The following GRID1 variants were observed in gnomAD, a reference collection of about 807,000 sequenced individuals.
The protein encoded by GRID1 is glutamate receptor ionotropic, delta-1.
Under a neutral mutation model 98.0 loss-of-function variants are expected in GRID1, and 28 were observed. The ratio of observed to expected loss-of-function variants is 0.29; its 90% CI spans 0.21 to 0.39. The LOEUF (loss-of-function observed/expected upper bound fraction) is 0.39, where lower values mean the gene tolerates loss of function less well. Among genes scored for constraint, GRID1 ranks in the 10% least tolerant of loss-of-function variants. The probability of loss-of-function intolerance (pLI) is 1.00; values close to 1 mark genes in which losing one functional copy is unlikely to be tolerated. For synonymous variants in GRID1, 553 were observed against 538.5 expected, an observed-to-expected ratio of 1.03 and a Z score of -0.37; for missense variants, 1,111 against 1,340.5, an observed-to-expected ratio of 0.83 and a Z score of 2.67.
intron 12 of GRID1, among the ~76,000 whole-genome samples, chr10:85,687,622 T>C (rs1304868873): frequency 6.6e-6 from 1 of 151,520 alleles, no homozygotes; most frequent in African/African-American, 2.4e-5. Context: ...AGAGCAAGAC[T>C]CTGTCTCAAA....
intron 7 of GRID1, 42 bp downstream of exon 7, chr10:85,855,987 G>C: frequency 4.4e-6 from 7 of 1,588,710 alleles, no homozygotes; most frequent in Non-Finnish European, 6.0e-6. Context: ...TATAAGAAGG[G>C]GCCTGTCTTT....
Position 86,187,291 on chromosome 10 carries a change from A to T in GRID1, c.520+19073T>A, listed in dbSNP as rs139691633. 6.4e-3 allele frequency among the ~76,000 whole-genome samples: 979 copies of T among 152,232 alleles called. 24 individuals are homozygous for T. In the East Asian group the frequency reaches 0.079, roughly 12 times the overall value. ...AGCACTTTCTATGAGACAGGCACTG[A>T]GTGTTATTCTGGTGCCAGCTCTCTA... On this transcript the variant is annotated intron_variant, in intron 3 of 15. Transcript: ENST00000327946.
intron 2 of GRID1, among the ~76,000 whole-genome samples, chr10:86,233,863 C>T (rs1846495110): frequency 6.6e-6 from 1 of 151,434 alleles, no homozygotes; most frequent in African/African-American, 2.4e-5. Flanking sequence ...ATGGCCAAGA[C>T]TCCCTTGTCC....
chr10:85,977,932 G>A (rs1452081366), intron 4 of GRID1, among the ~76,000 whole-genome samples: 1 of 152,194 alleles, frequency 6.6e-6, no homozygotes, highest in African/African-American at 2.4e-5. Flanking sequence ...TGATGGACAT[G>A]ATGGCAGCTG....
intron 3 of GRID1, among the ~76,000 whole-genome samples, chr10:86,176,225 A>T (rs982316560): frequency 6.6e-6 from 1 of 152,246 alleles, no homozygotes; most frequent in Admixed American, 6.5e-5. Flanking sequence ...TTTGAACACC[A>T]CGTTCTGGGG....
At chr10:85,678,792 C>G (rs1024411671) in intron 12 of GRID1, among the ~76,000 whole-genome samples, 1 of 152,140 alleles carries the variant, frequency 6.6e-6, no homozygotes, top group Non-Finnish European at 1.5e-5. Flanking sequence ...TCTTCTCTCC[C>G]CTTCCTCTCA....
At chr10:85,779,791 C>A (rs1370129776) in intron 8 of GRID1, among the ~76,000 whole-genome samples, 1 of 152,144 alleles carries the variant, frequency 6.6e-6, no homozygotes, top group East Asian at 1.9e-4. Flanking sequence ...ACTGGCAATG[C>A]AGCCCTGTGG....
chr10:85,915,289 C>T (rs896635542), intron 5 of GRID1, among the ~76,000 whole-genome samples: 1 of 152,066 alleles, frequency 6.6e-6, no homozygotes, highest in South Asian at 2.1e-4. Flanking sequence ...GATATATGCA[C>T]TTTCATACAT....
chr10:85,620,100 C>G (rs1176994169), intron 13 of GRID1, 67 bp from the exon 14 acceptor site: 1 of 1,363,744 alleles, frequency 7.3e-7, no homozygotes, highest in African/African-American at 1.4e-5. Context: ...GATTGGTGAG[C>G]CATCTTGATG....
chr10:85,671,077 C>G (rs1370589996), intron 12 of GRID1, among the ~76,000 whole-genome samples: 1 of 152,184 alleles, frequency 6.6e-6, no homozygotes, highest in African/African-American at 2.4e-5. Context: ...TCTTAGTACT[C>G]TTTAATCCTT....
chr10:85,925,263 G>A (rs1366073717), intron 4 of GRID1, among the ~76,000 whole-genome samples: 4 of 152,188 alleles, frequency 2.6e-5, no homozygotes, highest in Non-Finnish European at 2.9e-5. Context: ...GGGAGGCAAC[G>A]GAGCCCAGCT....
chr10:86,263,739 A>G (rs1847059013), intron 2 of GRID1, among the ~76,000 whole-genome samples: 1 of 152,244 alleles, frequency 6.6e-6, no homozygotes, highest in African/African-American at 2.4e-5. Flanking sequence ...CAAGTGCTCA[A>G]TAAGAGTTGG....
At chr10:86,288,530 C>T (rs1420913815) in intron 2 of GRID1, among the ~76,000 whole-genome samples, 3 of 152,158 alleles carry the variant, frequency 2.0e-5, no homozygotes, top group African/African-American at 7.2e-5. Flanking sequence ...ACTCAGAAAC[C>T]AGAAACAAGG....
At chr10:86,076,729 G>A (rs994452398) in intron 4 of GRID1, among the ~76,000 whole-genome samples, 2 of 151,878 alleles carry the variant, frequency 1.3e-5, no homozygotes, top group African/African-American at 2.4e-5. Flanking sequence ...CCACATCATG[G>A]CGAGCAATCT....
At chr10:86,272,001 C>T (rs2132061960) in intron 2 of GRID1, among the ~76,000 whole-genome samples, 1 of 151,904 alleles carries the variant, frequency 6.6e-6, no homozygotes, top group African/African-American at 2.4e-5. Context: ...TGCTCAAAAT[C>T]AAGATAAAGA....
At chr10:85,645,182 T>G (rs1349609007) in intron 13 of GRID1, among the ~76,000 whole-genome samples, 1 of 152,232 alleles carries the variant, frequency 6.6e-6, no homozygotes, top group Non-Finnish European at 1.5e-5. Flanking sequence ...GCTTTTTTTT[T>G]TAGCATTATG....
intron 4 of GRID1, among the ~76,000 whole-genome samples, chr10:86,117,903 TA>T (rs2131956861): frequency 6.6e-6 from 1 of 152,270 alleles, no homozygotes; most frequent in Non-Finnish European, 1.5e-5. Context: ...GGAGATACCT[TA>T]AAGAACTAAA....
chr10:86,018,259 C>T (rs1843004356), intron 4 of GRID1, among the ~76,000 whole-genome samples: 1 of 152,194 alleles, frequency 6.6e-6, no homozygotes, highest in African/African-American at 2.4e-5. Flanking sequence ...CCATGAGCCA[C>T]AACCAAACCC....
intron 4 of GRID1, among the ~76,000 whole-genome samples, chr10:85,988,073 C>A (rs1311704860): frequency 6.6e-6 from 1 of 152,176 alleles, no homozygotes; most frequent in African/African-American, 2.4e-5. Context: ...CATGCCCCCT[C>A]CATCTCCAAT....
Sources: allele counts gnomAD v4.1 joint callset (sites outside exome capture counted in the v4.1 genomes callset), GRCh38; gene constraint gnomAD v4.1.1; transcripts MANE v1.5; gene names NCBI Gene and HGNC (gene_info 2026-07-23, HGNC 2026-07-21).